Variants in VPS8 observed in about 807,000 individuals in gnomAD.
The protein encoded by VPS8 is vacuolar protein sorting-associated protein 8 homolog.
VPS8 carries 129 observed loss-of-function variants against 216.4 expected under a neutral mutation model. The observed-to-expected ratio is 0.60, with a 90% CI of 0.52 to 0.69. The LOEUF (loss-of-function observed/expected upper bound fraction) is 0.69. Among genes scored for constraint, VPS8 ranks in the 30% least tolerant of loss-of-function variants. The probability of loss-of-function intolerance (pLI) is 0.00; values close to 1 mark genes in which losing one functional copy is unlikely to be tolerated. For synonymous variants in VPS8, 571 were observed against 565.4 expected (o/e 1.01, Z -0.14); for missense variants, 1,531 against 1,683.5 (o/e 0.91, Z 1.59).
intron 25 of VPS8, among the ~76,000 whole-genome samples, chr3:184,908,986 C>T (rs1314244451): frequency 6.6e-6 from 1 of 152,234 alleles, no homozygotes; most frequent in African/African-American, 2.4e-5. Context: ...GAAGTTCTCA[C>T]TCCAAGTTGC....
chr3:184,922,830 G>A (rs1202075989), intron 29 of VPS8, among the ~76,000 whole-genome samples: 3 of 151,968 alleles, frequency 2.0e-5, no homozygotes, highest in Non-Finnish European at 4.4e-5. Flanking sequence ...TTTTTACATT[G>A]CCCAGAAAAT....
intron 36 of VPS8, among the ~76,000 whole-genome samples, chr3:184,956,350 T>A (rs2109465587): frequency 6.6e-6 from 1 of 152,332 alleles, no homozygotes; most frequent in Non-Finnish European, 1.5e-5. Flanking sequence ...GTGAGCAATC[T>A]TACTTCACTA....
At chr3:184,903,919 A>AT (rs1735026363) in intron 25 of VPS8, among the ~76,000 whole-genome samples, 1 of 151,960 alleles carries the variant, frequency 6.6e-6, no homozygotes, top group Non-Finnish European at 1.5e-5. Flanking sequence ...GTCTTCATTA[A>AT]TTTTTTTCAA....
intron 21 of VPS8, among the ~76,000 whole-genome samples, chr3:184,881,746 G>A (rs752008787): frequency 1.1e-4 from 17 of 151,954 alleles, no homozygotes; most frequent in Non-Finnish European, 2.4e-4. Flanking sequence ...TTTTTACTAT[G>A]CTGAGTTTCC....
intron 43 of VPS8, 70 bp downstream of exon 43, chr3:184,994,133 C>A: frequency 1.7e-6 from 2 of 1,172,632 alleles, no homozygotes; most frequent in Non-Finnish European, 2.3e-6. Flanking sequence ...TAATTTTGTA[C>A]CTATACTTAA....
At chr3:184,979,055 T>C (rs1189173537) in intron 40 of VPS8, among the ~76,000 whole-genome samples, 1 of 152,228 alleles carries the variant, frequency 6.6e-6, no homozygotes, top group Admixed American at 6.5e-5. Flanking sequence ...TTTCATTGTT[T>C]TTACCCAAAA....
At chr3:185,044,390 C>T (rs1184509036) in intron 46 of VPS8, among the ~76,000 whole-genome samples, 1 of 152,040 alleles carries the variant, frequency 6.6e-6, no homozygotes, top group Non-Finnish European at 1.5e-5. Context: ...AAGTACCTAC[C>T]TCGTAGGGTT....
intron 10 of VPS8, among the ~76,000 whole-genome samples, chr3:184,851,622 G>A (rs930464297): frequency 6.6e-6 from 1 of 152,134 alleles, no homozygotes; most frequent in African/African-American, 2.4e-5. Context: ...CACACCTAGG[G>A]TATATGCTTC....
At position 184,915,437 on chromosome 3, in the gene VPS8, A is replaced by G; in HGVS notation, c.2345A>G (p.His782Arg). ...EIYPYIRTLL[H>R]FDTREFLNVL... The stretch of plus-strand genomic sequence containing the variant: ...TATCCTTACATTCGGACTTTGCTAC[A>G]TTTTGACACAAGAGAATTTCTAAAT... The change falls in exon 28 of 48, where the codon CAT becomes CGT. Residue 782 changes from histidine (H) to arginine (R), a missense_variant. Coordinates refer to ENST00000625842, the MANE Select transcript of VPS8 (RefSeq NM_001009921.3). 6.2e-7 allele frequency: 1 copy of G among 1,613,832 alleles called. No homozygotes were observed. Among genetic ancestry groups the G allele is most frequent in the Non-Finnish European group, 8.5e-7 (1 of 1,179,806 alleles).
intron 23 of VPS8, 100 bp downstream of exon 23, chr3:184,895,025 C>A: frequency 2.1e-6 from 2 of 972,472 alleles, no homozygotes; most frequent in Non-Finnish European, 3.0e-6. Flanking sequence ...TTCTAAGAAC[C>A]GTAATTATTT....
intron 46 of VPS8, among the ~76,000 whole-genome samples, chr3:185,034,084 G>A (rs9875052): frequency 0.41 from 62,678 of 151,866 alleles, 13,081 homozygotes; most frequent in East Asian, 0.57. Flanking sequence ...TGTTGTTCCC[G>A]TATTTATCTC....
intron 22 of VPS8, among the ~76,000 whole-genome samples, chr3:184,892,141 T>C (rs1578109395): frequency 6.6e-6 from 1 of 152,258 alleles, no homozygotes; most frequent in Non-Finnish European, 1.5e-5. Flanking sequence ...TCAGCCCTTC[T>C]AGGAAACAAA....
At chr3:184,820,977 G>A (rs909106530) in intron 1 of VPS8, among the ~76,000 whole-genome samples, 9 of 152,178 alleles carry the variant, frequency 5.9e-5, no homozygotes, top group Admixed American at 1.3e-4. Flanking sequence ...CCAGGATATC[G>A]TTCTGATATG....
chr3:184,839,553 T>C (rs1721736029), intron 6 of VPS8, 145 bp from the exon 7 acceptor site: 2 of 710,516 alleles, frequency 2.8e-6, no homozygotes, highest in East Asian at 5.8e-5. Flanking sequence ...TTTCCCGTTT[T>C]GCCTCCTGGA....
At chr3:184,909,431 T>C (rs1331598308) in intron 25 of VPS8, among the ~76,000 whole-genome samples, 1 of 152,204 alleles carries the variant, frequency 6.6e-6, no homozygotes, top group African/African-American at 2.4e-5. Flanking sequence ...CTCTGGGTTT[T>C]GATTGTGTTC....
At position 185,052,061 on chromosome 3, in the gene VPS8, T is replaced by C; in HGVS notation, c.*36T>C. On this transcript the variant is annotated 3_prime_UTR_variant, in exon 48 of 48. Coordinates refer to ENST00000625842, the MANE Select transcript of VPS8 (RefSeq NM_001009921.3). Reference sequence around the variant, plus strand: ...GAGCCTGGCCCAGGAGAACCAGAGATGATCCCGAGGCAGCTGGGGAGAGGC... The same window carrying C: ...GAGCCTGGCCCAGGAGAACCAGAGACGATCCCGAGGCAGCTGGGGAGAGGC... 2 of 1,586,424 alleles carry C rather than the reference T, an allele frequency of 1.3e-6. No individual in the cohort carries two copies. Among genetic ancestry groups the C allele is most frequent in the Non-Finnish European group, 1.7e-6 (2 of 1,167,082 alleles).
chr3:185,030,173 C>T (rs930588345), intron 46 of VPS8, among the ~76,000 whole-genome samples: 5 of 152,242 alleles, frequency 3.3e-5, no homozygotes, highest in African/African-American at 7.2e-5. Flanking sequence ...GTGTTGACAA[C>T]GTTTAAGGTA....
At chr3:184,999,052 T>G (rs2109895052) in intron 44 of VPS8, among the ~76,000 whole-genome samples, 1 of 151,752 alleles carries the variant, frequency 6.6e-6, no homozygotes, top group South Asian at 2.1e-4. Flanking sequence ...TGGCTAATTT[T>G]TTGGTTTTTG....
Position 184,983,013 on chromosome 3 carries a change from T to G in VPS8, c.3504T>G (p.Ala1168=), listed in dbSNP as rs1750462805. 1 of 1,601,226 alleles carries G rather than the reference T, an allele frequency of 6.2e-7. No individual in the cohort carries two copies. The highest frequency in any genetic ancestry group is 1.3e-5 in the African/African-American group (1 of 74,570). ...AATGTTAATATTTTGTTATAACAGC[T>G]CTGAAGTCTTTGACCATGCAAGTTT... The part of the protein sequence containing the change: ...SSAIPHLHSE[A]LKSLTMQVLN... The change falls in exon 42 of 48, where the codon GCT becomes GCG. Residue 1168 remains alanine (A), a splice_region_variant and synonymous_variant. Transcript: ENST00000625842.
Sources: gnomAD v4.1 joint callset for allele counts (sites outside exome capture counted in the v4.1 genomes callset) on GRCh38, gnomAD v4.1.1 for gene constraint, MANE v1.5 for transcripts, NCBI Gene and HGNC (gene_info 2026-07-23, HGNC 2026-07-21) for gene names.